Variants in LRRC4C observed in about 807,000 individuals in gnomAD.
LRRC4C encodes the protein leucine-rich repeat-containing protein 4C.
Under a neutral mutation model 33.6 loss-of-function variants are expected in LRRC4C, and 5 were observed. That is an observed-to-expected ratio of 0.15 (90% CI 0.08 to 0.31). The LOEUF (loss-of-function observed/expected upper bound fraction) is 0.31. LRRC4C is among the 10% of genes least tolerant of loss of function. The pLI is 1.00. For synonymous variants in LRRC4C, 329 were observed against 302.0 expected (o/e 1.09, Z -0.93); for missense variants, 560 against 796.7 (o/e 0.70, Z 3.58).
chr11:41,429,174 G>T (rs1955147989), intron 1 of LRRC4C, among the ~76,000 whole-genome samples: 2 of 152,056 alleles, frequency 1.3e-5, no homozygotes, highest in Non-Finnish European at 2.9e-5. Context: ...TCCCTCTTTT[G>T]GTTGGCACTT....
intron 2 of LRRC4C, among the ~76,000 whole-genome samples, chr11:40,926,683 A>T (rs904088411): frequency 3.3e-5 from 5 of 152,140 alleles, no homozygotes; most frequent in African/African-American, 9.7e-5. Flanking sequence ...TACTTTTTTT[A>T]AAATTATACT....
At chr11:40,798,909 G>T (rs934263130) in intron 2 of LRRC4C, among the ~76,000 whole-genome samples, 1 of 152,076 alleles carries the variant, frequency 6.6e-6, no homozygotes, top group African/African-American at 2.4e-5. Flanking sequence ...CTCCTAAATT[G>T]CTGGGATTAC....
intron 1 of LRRC4C, among the ~76,000 whole-genome samples, chr11:41,412,258 T>A (rs1954516068): frequency 6.6e-6 from 1 of 152,232 alleles, no homozygotes; most frequent in African/African-American, 2.4e-5. Flanking sequence ...TTTTTATGAA[T>A]CTTTCCTAAA....
At chr11:41,021,970 CTGTTT>C (rs149515222) in intron 1 of LRRC4C, among the ~76,000 whole-genome samples, 116 of 151,938 alleles carry the variant, frequency 7.6e-4, no homozygotes, top group African/African-American at 2.7e-3. Flanking sequence ...AGAAAATCAA[CTGTTT>C]TGTTTTATCT....
At chr11:40,756,044 G>A in intron 2 of LRRC4C, among the ~76,000 whole-genome samples, 1 of 152,034 alleles carries the variant, frequency 6.6e-6, no homozygotes, top group South Asian at 2.1e-4. Context: ...AAAAACAACA[G>A]GCATGCAAGT....
intron 2 of LRRC4C, among the ~76,000 whole-genome samples, chr11:40,658,738 CT>C (rs1184675780): frequency 6.6e-6 from 1 of 152,150 alleles, no homozygotes; most frequent in Non-Finnish European, 1.5e-5. Flanking sequence ...TTAAGCAATT[CT>C]TAAACAAGTT....
intron 3 of LRRC4C, among the ~76,000 whole-genome samples, chr11:40,495,289 C>T (rs1281593471): frequency 6.6e-6 from 1 of 152,082 alleles, no homozygotes; most frequent in Non-Finnish European, 1.5e-5. Context: ...AACAACCTCT[C>T]CGCCCCCCCC....
intron 3 of LRRC4C, among the ~76,000 whole-genome samples, chr11:40,568,974 C>T (rs1957870402): frequency 6.6e-6 from 1 of 152,200 alleles, no homozygotes; most frequent in South Asian, 2.1e-4. Flanking sequence ...TACTCCACAG[C>T]TAACCTGTAC....
intron 1 of LRRC4C, among the ~76,000 whole-genome samples, chr11:41,048,479 A>G (rs1046923541): frequency 6.6e-6 from 1 of 151,786 alleles, no homozygotes; most frequent in Non-Finnish European, 1.5e-5. Context: ...TGGCCAAGAT[A>G]GTCTTGATCT....
intron 1 of LRRC4C, among the ~76,000 whole-genome samples, chr11:41,085,843 A>T (rs1237249274): frequency 2.6e-5 from 4 of 151,522 alleles, no homozygotes; most frequent in Non-Finnish European, 5.9e-5. Flanking sequence ...GATAACTGGC[A>T]ATCTCAATAC....
At chr11:41,371,785 A>G (rs1225008366) in intron 1 of LRRC4C, among the ~76,000 whole-genome samples, 2 of 152,112 alleles carry the variant, frequency 1.3e-5, no homozygotes, top group Non-Finnish European at 2.9e-5. Flanking sequence ...CAAACAAGAG[A>G]TTTTTACCAC....
At chr11:40,981,092 T>C (rs1299728764) in intron 1 of LRRC4C, among the ~76,000 whole-genome samples, 1 of 152,148 alleles carries the variant, frequency 6.6e-6, no homozygotes, top group Non-Finnish European at 1.5e-5. Flanking sequence ...GGGCTGGGAT[T>C]CAAACCATCT....
At chr11:41,378,382 C>T (rs1953019530) in intron 1 of LRRC4C, among the ~76,000 whole-genome samples, 1 of 152,164 alleles carries the variant, frequency 6.6e-6, no homozygotes, top group African/African-American at 2.4e-5. Flanking sequence ...GCCAATGACA[C>T]TGAAAATAGC....
chr11:40,442,468 A>T (rs548079326), intron 3 of LRRC4C, among the ~76,000 whole-genome samples: 1 of 152,186 alleles, frequency 6.6e-6, no homozygotes, highest in Non-Finnish European at 1.5e-5. Flanking sequence ...AGACCAATAT[A>T]TAAATAATTG....
chr11:40,507,754 T>C (rs1955106693), intron 3 of LRRC4C, among the ~76,000 whole-genome samples: 1 of 151,648 alleles, frequency 6.6e-6, no homozygotes, highest in African/African-American at 2.4e-5. Flanking sequence ...TTTTTTTTTT[T>C]TTTGAGACAA....
chr11:40,229,380 C>T (rs1865038216), intron 5 of LRRC4C, among the ~76,000 whole-genome samples: 1 of 152,120 alleles, frequency 6.6e-6, no homozygotes, highest in Admixed American at 6.5e-5. Context: ...TCAGGCAATT[C>T]TCCTGCCTCA....
At chr11:41,454,599 A>T (rs992413931) in intron 1 of LRRC4C, among the ~76,000 whole-genome samples, 1 of 152,144 alleles carries the variant, frequency 6.6e-6, no homozygotes, top group East Asian at 1.9e-4. Flanking sequence ...ATATGGAAAG[A>T]TGCACGTGAC....
At chr11:40,489,279 G>A (rs146023064) in intron 3 of LRRC4C, among the ~76,000 whole-genome samples, 1 of 151,994 alleles carries the variant, frequency 6.6e-6, no homozygotes, top group Non-Finnish European at 1.5e-5. Flanking sequence ...TTATCTTTAT[G>A]TAAGTCACTC....
rs180754324 is a variant in LRRC4C, at chr11:41,133,582, G to A, written c.-495-199859C>T. 2.2e-3 allele frequency among the ~76,000 whole-genome samples: 328 copies of A among 150,414 alleles called. 1 individual carries two copies. Among genetic ancestry groups the A allele is most frequent in the Admixed American group, 4.7e-3 (71 of 15,018 alleles). On this transcript the variant is annotated intron_variant, in intron 1 of 6. Coordinates refer to ENST00000528697, the MANE Select transcript of LRRC4C (RefSeq NM_001258419.2). ...TTCAGTCATAATGGGAATGGAGGTCGGACAAACCTCATTATACTCCCTCCA... is the reference window on the plus strand; with the variant it reads ...TTCAGTCATAATGGGAATGGAGGTCAGACAAACCTCATTATACTCCCTCCA...
Sources: gnomAD v4.1 joint callset for allele counts (sites outside exome capture counted in the v4.1 genomes callset) on GRCh38, gnomAD v4.1.1 for gene constraint, MANE v1.5 for transcripts, NCBI Gene and HGNC (gene_info 2026-07-23, HGNC 2026-07-21) for gene names.